RAB10: variants seen among roughly 807,000 people sequenced by gnomAD.
RAB10 encodes the protein RAB10, member RAS oncogene family, also known as ras-related protein Rab-10.
In RAB10, 5 loss-of-function variants were observed where a neutral mutation model predicts 25.7. The ratio of observed to expected loss-of-function variants is 0.19; its 90% CI spans 0.10 to 0.41. RAB10 has a LOEUF of 0.41. Among genes scored for constraint, RAB10 ranks in the 10% least tolerant of loss-of-function variants. The pLI is 1.00. For missense variants in RAB10, 103 were observed against 245.8 expected (o/e 0.42, Z 3.89); for synonymous variants, 89 against 86.4 (o/e 1.03, Z -0.16).
At chr2:26,053,755 T>C (rs1464337623) in intron 1 of RAB10, among the ~76,000 whole-genome samples, 4 of 152,180 alleles carry the variant, frequency 2.6e-5, no homozygotes, top group African/African-American at 7.2e-5. Context: ...GTCTCACTCT[T>C]GTCACTCATG....
At chr2:26,059,177 A>C (rs1189812403) in intron 1 of RAB10, among the ~76,000 whole-genome samples, 1 of 152,210 alleles carries the variant, frequency 6.6e-6, no homozygotes, top group African/African-American at 2.4e-5. Flanking sequence ...TTGCTTTACC[A>C]GTTTGGAAAT....
intron 1 of RAB10, among the ~76,000 whole-genome samples, chr2:26,047,486 G>A (rs1164458010): frequency 1.3e-5 from 2 of 151,952 alleles, no homozygotes; most frequent in African/African-American, 2.4e-5. Flanking sequence ...CACAATCTCG[G>A]CTCACTGCAA....
At chr2:26,114,102 G>C (rs570433602) in intron 3 of RAB10, among the ~76,000 whole-genome samples, 1 of 152,090 alleles carries the variant, frequency 6.6e-6, no homozygotes, top group Non-Finnish European at 1.5e-5. Context: ...TAAATAATTA[G>C]ATAGCCATTA....
intron 1 of RAB10, among the ~76,000 whole-genome samples, chr2:26,087,080 A>C (rs4665821): frequency 0.77 from 116,841 of 151,990 alleles, 44,950 homozygotes; most frequent in East Asian, 0.87. Context: ...TGTTCACTTT[A>C]TTTTTTCTTT....
chr2:26,068,789 G>A (rs796084193), intron 1 of RAB10, among the ~76,000 whole-genome samples: 8 of 152,320 alleles, frequency 5.3e-5, no homozygotes, highest in South Asian at 2.1e-4. Context: ...TTCCTCAGAC[G>A]TTGTGGGCAA....
chr2:26,089,577 G>A (rs1415195142), intron 1 of RAB10, among the ~76,000 whole-genome samples: 3 of 152,138 alleles, frequency 2.0e-5, no homozygotes, highest in African/African-American at 7.2e-5. Flanking sequence ...TCAGGGCTGT[G>A]ACAGTGAAGC....
At chr2:26,086,670 C>G (rs929211769) in intron 1 of RAB10, among the ~76,000 whole-genome samples, 25 of 151,990 alleles carry the variant, frequency 1.6e-4, no homozygotes, top group African/African-American at 6.0e-4. Context: ...TTCATAAAAG[C>G]CAAAAGGTGG....
intron 1 of RAB10, among the ~76,000 whole-genome samples, chr2:26,089,590 C>T (rs912462373): frequency 1.3e-5 from 2 of 152,170 alleles, no homozygotes; most frequent in Admixed American, 1.3e-4. Flanking sequence ...AGTGAAGCAG[C>T]AACTGCAACA....
chr2:26,128,865 G>T (rs551544310), intron 5 of RAB10, among the ~76,000 whole-genome samples: 1 of 152,034 alleles, frequency 6.6e-6, no homozygotes, highest in Non-Finnish European at 1.5e-5. Flanking sequence ...TTAGGAAATC[G>T]GATTTTCGTA....
chr2:26,127,259 T>G (rs542642115), intron 4 of RAB10, 26 bp downstream of exon 4: 1 of 1,486,056 alleles, frequency 6.7e-7, no homozygotes, highest in South Asian at 1.2e-5. Flanking sequence ...AAACTGATAC[T>G]CTGCTCTGTC....
At chr2:26,033,377 C>T (rs889994077), upstream of RAB10, among the ~76,000 whole-genome samples, 7 of 152,336 alleles carry the variant, frequency 4.6e-5, 1 homozygote, top group East Asian at 9.7e-4. Context: ...CCAGGTGTTC[C>T]TCAACCTTCC....
chr2:26,066,933 C>A (rs559976433), intron 1 of RAB10, among the ~76,000 whole-genome samples: 1 of 152,072 alleles, frequency 6.6e-6, no homozygotes, highest in Non-Finnish European at 1.5e-5. Context: ...CAGGCACATG[C>A]CACCACGCCA....
intron 1 of RAB10, among the ~76,000 whole-genome samples, chr2:26,098,112 T>TTTTTTTTTTTTTTTTTTTTTTTTTTTTC (rs1667264993): frequency 1.0e-4 from 1 of 9,704 alleles, no homozygotes; most frequent in Admixed American, 1.1e-3. Flanking sequence ...TTTCTTTCTT[T>TTTTTTTTTTTTTTTTTTTTTTTTTTTTC]TTTTTTTTTT....
At chr2:26,053,590 T>C (rs1490059002) in intron 1 of RAB10, among the ~76,000 whole-genome samples, 1 of 152,248 alleles carries the variant, frequency 6.6e-6, no homozygotes, top group Non-Finnish European at 1.5e-5. Flanking sequence ...TTTTTGCTGG[T>C]TTGAAACCTG....
chr2:26,108,624 A>AT (rs1667512347), intron 2 of RAB10, among the ~76,000 whole-genome samples: 1 of 64,476 alleles, frequency 1.6e-5, no homozygotes, highest in East Asian at 7.3e-4. Context: ...GTAAAAAAAA[A>AT]AAACCCTGAA....
intron 1 of RAB10, among the ~76,000 whole-genome samples, chr2:26,083,273 C>T (rs902928324): frequency 6.6e-6 from 1 of 152,210 alleles, no homozygotes; most frequent in East Asian, 1.9e-4. Flanking sequence ...AAATAACCTA[C>T]CTTCTCCACA....
intron 3 of RAB10, among the ~76,000 whole-genome samples, chr2:26,116,845 C>G (rs921944887): frequency 6.6e-6 from 1 of 151,434 alleles, no homozygotes; most frequent in African/African-American, 2.4e-5. Flanking sequence ...CGTGAGCCAC[C>G]ACGCCCGGCC....
chr2:26,126,180 T>C (rs1295243290), intron 3 of RAB10, among the ~76,000 whole-genome samples: 2 of 152,236 alleles, frequency 1.3e-5, no homozygotes, highest in East Asian at 3.8e-4. Flanking sequence ...TGTGAGGATT[T>C]ATTTCTGGGC....
At chr2:26,134,155 G>T (rs921173982) in intron 5 of RAB10, among the ~76,000 whole-genome samples, 2 of 152,192 alleles carry the variant, frequency 1.3e-5, no homozygotes, top group Middle Eastern at 6.8e-3. Context: ...TTGGTCTGTT[G>T]CACAGGCTGG....
Sources: allele counts gnomAD v4.1 joint callset (sites outside exome capture counted in the v4.1 genomes callset), GRCh38; gene constraint gnomAD v4.1.1; transcripts MANE v1.5; gene names NCBI Gene and HGNC (gene_info 2026-07-23, HGNC 2026-07-21).